Variants in RIMBP2 observed in about 807,000 individuals in gnomAD.
RIMBP2 encodes the protein RIMS binding protein 2, also known as RIMS-binding protein 2.
RIMBP2 carries 48 observed loss-of-function variants against 118.6 expected under a neutral mutation model. The observed-to-expected ratio is 0.40, with a 90% CI of 0.32 to 0.51. The LOEUF is 0.51. Ranked by LOEUF, RIMBP2 falls within the 20% of genes least tolerant of loss-of-function variation. The probability of loss-of-function intolerance (pLI) is 0.41; values close to 1 mark genes in which losing one functional copy is unlikely to be tolerated. For missense variants in RIMBP2, 1,551 were observed against 1,768.3 expected, an observed-to-expected ratio of 0.88 and a Z score of 2.20; for synonymous variants, 762 against 742.9, an observed-to-expected ratio of 1.03 and a Z score of -0.42.
intron 11 of RIMBP2, 132 bp downstream of exon 11, chr12:130,441,716 A>G (rs1593311190): frequency 1.3e-6 from 1 of 784,948 alleles, no homozygotes; most frequent in Non-Finnish European, 2.0e-6. Context: ...CCGGTGACCT[A>G]AGGGATTTTC....
intron 6 of RIMBP2, chr12:130,470,311 G>A (rs927698032): frequency 1.1e-5 from 2 of 180,604 alleles, no homozygotes; most frequent in East Asian, 1.4e-4. Context: ...GATGGCCTCC[G>A]GAAGGTCCAC....
rs1020909716 is a variant in RIMBP2, at chr12:130,424,985, C to T, written c.2413-127G>A. ...GAGGCACCGAGGGGGGGGAAGCATG[C>T]GTCTACTCAGGCCGGGGGCATGCCG... On this transcript the variant is annotated intron_variant, in intron 15 of 22. Transcript: ENST00000690449. This position sits in a 1 kb window ranked among gnomAD's most constrained non-coding sequence, Gnocchi z 9.8. The T allele has an allele frequency of 2.1e-5, 10 of 486,934 alleles. No homozygotes were observed. Among genetic ancestry groups the T allele is most frequent in the Admixed American group, 1.3e-4 (3 of 22,722 alleles). The allele number at this position is 486,934 out of a possible 1,614,324, so 30.2% of individuals were successfully genotyped here.
chr12:130,438,334 A>AGCCCC, intron 12 of RIMBP2, 31 bp downstream of exon 12: 35 of 1,344,456 alleles, frequency 2.6e-5, no homozygotes, highest in Non-Finnish European at 3.0e-5. Flanking sequence ...GGGCCTAACA[A>AGCCCC]ACCCTCCCCA....
At chr12:130,399,095 A>G in intron 22 of RIMBP2, 1 of 1,335,724 alleles carries the variant, frequency 7.5e-7, no homozygotes, top group Non-Finnish European at 9.8e-7. Flanking sequence ...CTTTATCGGT[A>G]TCTTCAGTTG....
At chr12:130,714,290 G>T (rs1208183340) in intron 1 of RIMBP2, among the ~76,000 whole-genome samples, 2 of 152,198 alleles carry the variant, frequency 1.3e-5, no homozygotes, top group African/African-American at 4.8e-5. Flanking sequence ...AGGGCCCACC[G>T]CTTGTCTTTT....
chr12:130,502,729 G>T (rs914390900), intron 4 of RIMBP2, among the ~76,000 whole-genome samples: 1 of 152,188 alleles, frequency 6.6e-6, no homozygotes, highest in Non-Finnish European at 1.5e-5. Flanking sequence ...TCGGGCAGTT[G>T]AATGTTGAGG....
Position 130,484,320 on chromosome 12 carries a change from G to A in RIMBP2, c.-3-5304C>T, listed in dbSNP as rs1426685810. 2.0e-5 allele frequency among the ~76,000 whole-genome samples: 3 copies of A among 152,120 alleles called. No homozygotes were observed. In the East Asian group the frequency reaches 5.8e-4, roughly 29 times the overall value. On this transcript the variant is annotated intron_variant, in intron 4 of 22. Coordinates refer to ENST00000690449, the MANE Select transcript of RIMBP2 (RefSeq NM_001393629.1). ...CTGGCTTTCGCGCTGTTTCTAAAGA[G>A]CAGACCAGTGCCCGCCTCTGGACCT...
At chr12:130,609,321 C>G (rs891444094) in intron 2 of RIMBP2, among the ~76,000 whole-genome samples, 7 of 152,082 alleles carry the variant, frequency 4.6e-5, no homozygotes, top group Non-Finnish European at 1.5e-5. Context: ...ATGAATGGAT[C>G]AAGAAAATGT....
intron 1 of RIMBP2, among the ~76,000 whole-genome samples, chr12:130,714,228 C>T (rs989535070): frequency 6.6e-6 from 1 of 152,258 alleles, no homozygotes. Flanking sequence ...TGGTCTCTTC[C>T]AGGCGCCAAC....
In RIMBP2 at chr12:130,609,388, A is replaced by AGC. The variant is rs1427642433; in HGVS notation, c.-217+18933_-217+18934insGC. On this transcript the variant is annotated intron_variant, in intron 2 of 22. Coordinates refer to ENST00000690449, the MANE Select transcript of RIMBP2 (RefSeq NM_001393629.1). ...TTTTAAAAAAAAATGAAATCCTGAC[A>AGC]CTGATGTTGGCAGGGCCTTGATTAA... is the stretch of plus-strand genomic sequence containing the variant. 7.0e-3 allele frequency among the ~76,000 whole-genome samples: 937 copies of AGC among 133,060 alleles called. 41 individuals are homozygous for AGC. The highest frequency in any genetic ancestry group is 8.6e-3 in the Non-Finnish European group (505 of 58,674). 87.3% of individuals were successfully genotyped at this position (133,060 alleles called of 152,430 possible). A position where few individuals can be genotyped will look rare whatever the true frequency, so the allele number is the denominator to read the frequency against.
chr12:130,424,587 G>C lies in RIMBP2; in HGVS notation c.2684C>G (p.Pro895Arg). 1 of 1,231,966 alleles carries C rather than the reference G, an allele frequency of 8.1e-7. No individual in the cohort carries two copies. Among genetic ancestry groups the C allele is most frequent in the African/African-American group, 1.6e-5 (1 of 64,510 alleles). 76.3% of individuals were successfully genotyped at this position (1,231,966 alleles called of 1,614,324 possible). ...PVKHRGSGAV[P>R]HVEDFLLEDR... is the part of the protein sequence containing the mutation. ...TTCCAGAAGGAAGTCCTCCACGTGGGGGACGGCCCCCGAGCCCCTGTGCTT... is the reference window on the plus strand; with the variant it reads ...TTCCAGAAGGAAGTCCTCCACGTGGCGGACGGCCCCCGAGCCCCTGTGCTT... The change falls in exon 16 of 23, where the codon CCC becomes CGC. Residue 895 changes from proline to arginine, a missense_variant. This residue lies in a region of RIMBP2 where 1,038 missense variants were observed against 1,125.1 expected (regional missense o/e 0.92). Coordinates refer to ENST00000690449, the MANE Select transcript of RIMBP2 (RefSeq NM_001393629.1). This position sits in a 1 kb window ranked among gnomAD's most constrained non-coding sequence, Gnocchi z 9.8.
intron 2 of RIMBP2, among the ~76,000 whole-genome samples, chr12:130,612,278 G>C (rs896474955): frequency 6.6e-6 from 1 of 152,218 alleles, no homozygotes; most frequent in African/African-American, 2.4e-5. Flanking sequence ...TCTGAGGGCT[G>C]AGTGCGGCCC....
intron 5 of RIMBP2, among the ~76,000 whole-genome samples, chr12:130,471,595 C>T (rs1401659647): frequency 2.6e-5 from 4 of 152,182 alleles, no homozygotes; most frequent in Non-Finnish European, 4.4e-5. Flanking sequence ...CCCGTTGTCC[C>T]GTCACAGTCG....
chr12:130,554,766 T>C (rs1425524523), intron 2 of RIMBP2, among the ~76,000 whole-genome samples: 1 of 152,274 alleles, frequency 6.6e-6, no homozygotes, highest in Non-Finnish European at 1.5e-5. Context: ...GAAGGCACTG[T>C]TGAACAGCAT....
intron 2 of RIMBP2, among the ~76,000 whole-genome samples, chr12:130,571,320 A>G (rs1373568994): frequency 1.3e-5 from 2 of 151,336 alleles, no homozygotes; most frequent in Non-Finnish European, 2.9e-5. Context: ...AGGAACTGCA[A>G]CTCCCTGACA....
Position 130,479,991 on chromosome 12 carries a change from G to A in RIMBP2, c.-3-975C>T, listed in dbSNP as rs182197194. ...AGGACCAGGCCCCCAGACCCATGAA[G>A]CTCACAGCAGTGACCAGCCACGAAC... On this transcript the variant is annotated intron_variant, in intron 4 of 22. Coordinates refer to ENST00000690449, the MANE Select transcript of RIMBP2 (RefSeq NM_001393629.1). Among the ~76,000 whole-genome samples, 498 of 151,934 alleles carry A rather than the reference G, an allele frequency of 3.3e-3. 2 individuals are homozygous for A. The highest frequency in any genetic ancestry group is 5.2e-3 in the Non-Finnish European group (352 of 67,980).
At chr12:130,570,085 C>A (rs905381199) in intron 2 of RIMBP2, among the ~76,000 whole-genome samples, 1 of 152,136 alleles carries the variant, frequency 6.6e-6, no homozygotes, top group African/African-American at 2.4e-5. Context: ...ATCTGCTTGA[C>A]AGGAAGATCC....
At chr12:130,712,217 ATTC>A (rs1386651683) in intron 1 of RIMBP2, among the ~76,000 whole-genome samples, 3 of 152,178 alleles carry the variant, frequency 2.0e-5, no homozygotes, top group Admixed American at 1.3e-4. Flanking sequence ...ATACAAAAAT[ATTC>A]TTCTTTCTTC....
chr12:130,595,122 G>C (rs893576183), intron 2 of RIMBP2, among the ~76,000 whole-genome samples: 1 of 152,218 alleles, frequency 6.6e-6, no homozygotes, highest in Non-Finnish European at 1.5e-5. Flanking sequence ...AAGACATACA[G>C]TTAGTAGCAG....
Sources: allele counts gnomAD v4.1 joint callset (sites outside exome capture counted in the v4.1 genomes callset), GRCh38; gene constraint gnomAD v4.1.1; regional missense constraint gnomAD v4.1.1; non-coding constraint Gnocchi (gnomAD v3.1); transcripts MANE v1.5; gene names NCBI Gene and HGNC (gene_info 2026-07-23, HGNC 2026-07-21).